The following TEKT1 variants were observed in gnomAD, a reference collection of about 807,000 sequenced individuals.
TEKT1 encodes tektin 1, also known as tektin-1.
In TEKT1, 32 loss-of-function variants were observed where a neutral mutation model predicts 34.8. That is an observed-to-expected ratio of 0.92 (90% CI 0.69 to 1.23). The LOEUF (loss-of-function observed/expected upper bound fraction) is 1.23, where lower values mean the gene tolerates loss of function less well. TEKT1 is among the 50% of genes most tolerant of loss of function. The pLI is 0.00. For missense variants in TEKT1, 492 were observed against 518.5 expected, an observed-to-expected ratio of 0.95 and a Z score of 0.50; for synonymous variants, 207 against 199.8, an observed-to-expected ratio of 1.04 and a Z score of -0.30.
At chr17:6,830,506 C>A (rs578098348) in intron 1 of TEKT1, 113 bp from the exon 2 acceptor site, 19 of 764,590 alleles carry the variant, frequency 2.5e-5, no homozygotes, top group Middle Eastern at 3.9e-4. Context: ...ATAATCTGTA[C>A]ACAAAATAAA....
chr17:6,804,930 T>C (rs1322802462), intron 6 of TEKT1, among the ~76,000 whole-genome samples: 1 of 152,178 alleles, frequency 6.6e-6, no homozygotes, highest in South Asian at 2.1e-4. Flanking sequence ...CTCTCTTTTT[T>C]TGTTGTGTCT....
chr17:6,824,427 C>A (rs762603116), intron 2 of TEKT1, among the ~76,000 whole-genome samples: 1 of 152,146 alleles, frequency 6.6e-6, no homozygotes, highest in African/African-American at 2.4e-5. Flanking sequence ...CTCTTCCTCA[C>A]GTACTCTACA....
chr17:6,814,094 C>T (rs1424837960), intron 5 of TEKT1, among the ~76,000 whole-genome samples: 6 of 151,106 alleles, frequency 4.0e-5, no homozygotes, highest in Non-Finnish European at 8.8e-5. Context: ...GAATTGGACC[C>T]CACCCGGGTC....
chr17:6,798,782 TG>T lies in TEKT1; in HGVS notation c.*1244del, dbSNP rs1395469529. On this transcript the variant is annotated 3_prime_UTR_variant, in exon 8 of 8. Coordinates refer to ENST00000338694, the MANE Select transcript of TEKT1 (RefSeq NM_053285.2). ...TATCATTGTGCCCTATGACACCGTA[TG>T]TGCAGCTAGACAGCCAGATTCAGGG... 1 of 152,266 alleles carries T rather than the reference TG, an allele frequency of 6.6e-6. No individual in the cohort carries two copies. Among genetic ancestry groups the T allele is most frequent in the East Asian group, 1.9e-4 (1 of 5,202 alleles). The allele number at this position is 152,266 out of a possible 1,614,324, so 9.4% of individuals were successfully genotyped here. A position where few individuals can be genotyped will look rare whatever the true frequency, so the allele number is the denominator to read the frequency against.
intron 1 of TEKT1, 109 bp downstream of exon 1, chr17:6,831,540 C>T (rs1904573464): frequency 6.6e-6 from 1 of 152,198 alleles, no homozygotes; most frequent in South Asian, 2.1e-4. Context: ...TGAATAGCCC[C>T]CAGAGAGGTG....
intron 6 of TEKT1, among the ~76,000 whole-genome samples, chr17:6,807,944 G>A (rs529244283): frequency 3.6e-4 from 55 of 152,326 alleles, no homozygotes; most frequent in African/African-American, 1.2e-3. Flanking sequence ...CAGTCTGTCC[G>A]TTCTCAGATC....
chr17:6,816,997 A>G (rs555209243), intron 3 of TEKT1, among the ~76,000 whole-genome samples: 25 of 150,546 alleles, frequency 1.7e-4, no homozygotes, highest in African/African-American at 5.3e-4. Flanking sequence ...CAAGAAGAGG[A>G]AAGTTTTAAA....
In TEKT1 at chr17:6,815,679, C is replaced by T. The variant is rs531347176; in HGVS notation, c.485+155G>A. Among the ~76,000 whole-genome samples, 5 of 152,332 alleles carry T rather than the reference C, an allele frequency of 3.3e-5. No homozygotes were observed. In the South Asian group the frequency reaches 1.0e-3, roughly 32 times the overall value. On this transcript the variant is annotated intron_variant, in intron 4 of 7. Transcript: ENST00000338694. Reference sequence around the variant, plus strand: ...TGCCATGTATGAGGGATGTGGCCAGCTCTTACCCTGAGTGCTGGGGCAATC... The same window carrying T: ...TGCCATGTATGAGGGATGTGGCCAGTTCTTACCCTGAGTGCTGGGGCAATC...
chr17:6,823,234 C>T (rs1180858693), intron 2 of TEKT1, among the ~76,000 whole-genome samples: 1 of 152,158 alleles, frequency 6.6e-6, no homozygotes, highest in Non-Finnish European at 1.5e-5. Flanking sequence ...TATCCTGACC[C>T]TCCAGCTTCA....
intron 6 of TEKT1, among the ~76,000 whole-genome samples, chr17:6,810,081 T>G (rs1370799111): frequency 6.6e-6 from 1 of 152,254 alleles, no homozygotes; most frequent in Non-Finnish European, 1.5e-5. Flanking sequence ...CCAAAGGGGC[T>G]GTACCATTTT....
Position 6,827,978 on chromosome 17 carries a change from C to A in TEKT1, c.190+2209G>T, listed in dbSNP as rs574970751. 5.6e-5 allele frequency among the ~76,000 whole-genome samples: 8 copies of A among 143,848 alleles called. 1 individual carries two copies. Among genetic ancestry groups the A allele is most frequent in the African/African-American group, 2.2e-4 (8 of 36,996 alleles). 94.4% of individuals were successfully genotyped at this position (143,848 alleles called of 152,430 possible). On this transcript the variant is annotated intron_variant, in intron 2 of 7. Coordinates refer to ENST00000338694, the MANE Select transcript of TEKT1 (RefSeq NM_053285.2). ...TTTTTGTTTTGAGACAGAGTCTCAC[C>A]CTGTCACCCAGGCTGGAGTGCAGTG...
At chr17:6,827,068 A>G (rs78374257) in intron 2 of TEKT1, among the ~76,000 whole-genome samples, 7,906 of 152,066 alleles carry the variant, frequency 0.052, 248 homozygotes, top group Middle Eastern at 0.14. Flanking sequence ...ATTACACTGT[A>G]GTGTTGCTTT....
At chr17:6,814,889 AT>A in intron 5 of TEKT1, 1 of 332,718 alleles carries the variant, frequency 3.0e-6, no homozygotes. Context: ...TTTTTAGATT[AT>A]TTTACTTGTT....
intron 2 of TEKT1, among the ~76,000 whole-genome samples, chr17:6,824,670 A>C (rs537496205): frequency 1.6e-4 from 25 of 152,290 alleles, no homozygotes; most frequent in African/African-American, 5.3e-4. Context: ...TCTCTTTTAC[A>C]TAGTAGAATG....
chr17:6,820,106 CT>C (rs1567680781), intron 2 of TEKT1, among the ~76,000 whole-genome samples: 1 of 152,168 alleles, frequency 6.6e-6, no homozygotes, highest in Admixed American at 6.5e-5. Context: ...ACACAACATA[CT>C]TCCGTCTCCC....
intron 6 of TEKT1, among the ~76,000 whole-genome samples, chr17:6,802,686 T>C (rs1288482100): frequency 2.1e-5 from 3 of 140,652 alleles, no homozygotes; most frequent in African/African-American, 7.8e-5. Context: ...CCTGTGTCCA[T>C]GTGTTCTCAT....
chr17:6,802,662 G>A (rs1262562605), intron 6 of TEKT1, among the ~76,000 whole-genome samples: 3 of 138,636 alleles, frequency 2.2e-5, no homozygotes, highest in Non-Finnish European at 4.5e-5. Context: ...GCCCTGGTGT[G>A]TGATGTTCCC....
Position 6,800,057 on chromosome 17 carries a change from A to C in TEKT1, c.1227T>G (p.Ala409=). 1 of 1,611,480 alleles carries C rather than the reference A, an allele frequency of 6.2e-7. No homozygotes were observed. The highest frequency in any genetic ancestry group is 8.5e-7 in the Non-Finnish European group (1 of 1,179,986). ...AGACAGCATCAGGGCGGAGGCCCCCAGCCCAGACCCCATGGTCTTCCCCAT... is the reference window on the plus strand; with the variant it reads ...AGACAGCATCAGGGCGGAGGCCCCCCGCCCAGACCCCATGGTCTTCCCCAT... ...LRDGEDHGVW[A]GGLRPDAVC Residue 409 remains alanine, a synonymous_variant, in exon 8 of 8, where the codon GCT becomes GCG. Transcript: ENST00000338694.
chr17:6,816,510 C>T (rs769409004), intron 3 of TEKT1, among the ~76,000 whole-genome samples: 3 of 152,204 alleles, frequency 2.0e-5, no homozygotes, highest in Admixed American at 6.5e-5. Context: ...TGATAGTTTG[C>T]GCAGAATGAT....
Sources: allele counts gnomAD v4.1 joint callset (sites outside exome capture counted in the v4.1 genomes callset), GRCh38; gene constraint gnomAD v4.1.1; transcripts MANE v1.5; gene names NCBI Gene and HGNC (gene_info 2026-07-23, HGNC 2026-07-21).